Variants in ANO6 observed in about 807,000 individuals in gnomAD.
ANO6 encodes the protein anoctamin-6.
A neutral mutation model predicts 117.5 loss-of-function variants in ANO6; 106 were observed. The ratio of observed to expected loss-of-function variants is 0.90; its 90% confidence interval spans 0.77 to 1.06. ANO6 has a LOEUF of 1.06. Among genes scored for constraint, ANO6 ranks in the 50% least tolerant of loss-of-function variants. The pLI is 0.00. For synonymous variants in ANO6, 367 were observed against 385.1 expected (o/e 0.95, Z 0.55); for missense variants, 955 against 1,121.1 (o/e 0.85, Z 2.12).
intron 1 of ANO6, among the ~76,000 whole-genome samples, chr12:45,298,982 G>A (rs1425556089): frequency 6.6e-6 from 1 of 150,466 alleles, no homozygotes; most frequent in Non-Finnish European, 1.5e-5. Context: ...TAATACTGGT[G>A]TAAAAAAAAA....
At chr12:45,278,845 C>T (rs1185647336) in intron 1 of ANO6, among the ~76,000 whole-genome samples, 1 of 152,182 alleles carries the variant, frequency 6.6e-6, no homozygotes, top group Non-Finnish European at 1.5e-5. Flanking sequence ...TTATGCACTT[C>T]ACTTTAGGGT....
At chr12:45,302,745 T>C (rs1022211250) in intron 2 of ANO6, among the ~76,000 whole-genome samples, 3 of 152,086 alleles carry the variant, frequency 2.0e-5, no homozygotes, top group African/African-American at 7.2e-5. Context: ...CCTTAGTAAA[T>C]AGATTTTTAC....
intron 1 of ANO6, among the ~76,000 whole-genome samples, chr12:45,223,842 T>C (rs1022826703): frequency 2.6e-5 from 4 of 152,218 alleles, no homozygotes; most frequent in African/African-American, 9.6e-5. Flanking sequence ...TGTTTTAAGC[T>C]GTGTCCCTCA....
chr12:45,303,077 A>C (rs1369088075), intron 2 of ANO6, among the ~76,000 whole-genome samples: 2 of 152,250 alleles, frequency 1.3e-5, no homozygotes, highest in African/African-American at 4.8e-5. Flanking sequence ...GAGTAAAGAA[A>C]CTAGAGAGTG....
intron 3 of ANO6, among the ~76,000 whole-genome samples, chr12:45,340,176 C>T (rs1940941090): frequency 6.6e-6 from 1 of 151,968 alleles, no homozygotes; most frequent in South Asian, 2.1e-4. Context: ...TTAATTATGC[C>T]AGTCTGTCCT....
chr12:45,222,314 C>A (rs1947415563), intron 1 of ANO6, among the ~76,000 whole-genome samples: 1 of 152,166 alleles, frequency 6.6e-6, no homozygotes, highest in African/African-American at 2.4e-5. Context: ...GTGCCCACCA[C>A]TGTGCCCGGC....
intron 1 of ANO6, among the ~76,000 whole-genome samples, chr12:45,253,689 A>G (rs539449522): frequency 2.6e-4 from 40 of 152,350 alleles, no homozygotes; most frequent in African/African-American, 9.4e-4. Context: ...GATGATAGCC[A>G]GTATCATAGT....
intron 12 of ANO6, among the ~76,000 whole-genome samples, chr12:45,394,946 A>G (rs915780643): frequency 3.3e-5 from 5 of 152,234 alleles, no homozygotes; most frequent in Non-Finnish European, 7.3e-5. Context: ...TAGAGAAGCA[A>G]GAGCAAACAC....
At chr12:45,293,167 A>G (rs1939162468) in intron 1 of ANO6, among the ~76,000 whole-genome samples, 1 of 152,236 alleles carries the variant, frequency 6.6e-6, no homozygotes, top group Non-Finnish European at 1.5e-5. Flanking sequence ...TGAGGAATTG[A>G]AGAGCACTAG....
chr12:45,269,232 C>T (rs1175704210), intron 1 of ANO6, among the ~76,000 whole-genome samples: 1 of 152,192 alleles, frequency 6.6e-6, no homozygotes, highest in Non-Finnish European at 1.5e-5. Flanking sequence ...GGAAATGAGA[C>T]AGTCTATCAG....
intron 19 of ANO6, among the ~76,000 whole-genome samples, chr12:45,428,142 G>GT: frequency 6.6e-6 from 1 of 152,222 alleles, no homozygotes; most frequent in South Asian, 2.1e-4. Flanking sequence ...AATGCTCTAG[G>GT]ATTCAAGCAC....
chr12:45,244,417 G>T (rs1269462462), intron 1 of ANO6, among the ~76,000 whole-genome samples: 2 of 134,574 alleles, frequency 1.5e-5, no homozygotes, highest in Admixed American at 1.5e-4. Flanking sequence ...GGGGGGGGGT[G>T]GTCTGTGGAT....
chr12:45,424,764 A>T (rs1406267824), intron 19 of ANO6, among the ~76,000 whole-genome samples: 1 of 152,142 alleles, frequency 6.6e-6, no homozygotes, highest in Non-Finnish European at 1.5e-5. Flanking sequence ...TTGGGTCAGA[A>T]GGGAGGTGGA....
At position 45,431,154 on chromosome 12, in the gene ANO6, G is replaced by T; in HGVS notation, c.*1843G>T. On this transcript the variant is annotated 3_prime_UTR_variant, in exon 20 of 20. Transcript: ENST00000320560. ...TGTCTCTCTTGATCGTGTTAATGATGCAATCAGAGTTCAAGACAGGCCCCA... is the reference window on the plus strand; with the variant it reads ...TGTCTCTCTTGATCGTGTTAATGATTCAATCAGAGTTCAAGACAGGCCCCA... The T allele has an allele frequency of 2.0e-6, 2 of 985,290 alleles. No homozygotes were observed. The highest frequency in any genetic ancestry group is 2.4e-6 in the Non-Finnish European group (2 of 829,832). 61.0% of individuals were successfully genotyped at this position (985,290 alleles called of 1,614,324 possible).
chr12:45,369,595 G>A (rs1941771443), intron 9 of ANO6, among the ~76,000 whole-genome samples: 1 of 151,584 alleles, frequency 6.6e-6, no homozygotes, highest in African/African-American at 2.4e-5. Context: ...AAAGAAACAT[G>A]AAAGAATATA....
At chr12:45,350,869 T>C in intron 7 of ANO6, 95 bp downstream of exon 7, 1 of 1,050,950 alleles carries the variant, frequency 9.5e-7, no homozygotes, top group South Asian at 1.3e-5. Flanking sequence ...CTCTTGCCAG[T>C]GAAGGGAGCT....
chr12:45,257,440 T>G (rs569403595), intron 1 of ANO6, among the ~76,000 whole-genome samples: 1 of 152,168 alleles, frequency 6.6e-6, no homozygotes, highest in Non-Finnish European at 1.5e-5. Context: ...TTTCGGTGAT[T>G]TAGTTCACAG....
chr12:45,424,458 C>T (rs759892040), intron 19 of ANO6, among the ~76,000 whole-genome samples: 3 of 151,332 alleles, frequency 2.0e-5, no homozygotes, highest in Non-Finnish European at 2.9e-5. Flanking sequence ...CTGCCTCAGC[C>T]TCCCAAGTAC....
At chr12:45,230,189 C>G (rs1363510652) in intron 1 of ANO6, among the ~76,000 whole-genome samples, 1 of 152,062 alleles carries the variant, frequency 6.6e-6, no homozygotes, top group African/African-American at 2.4e-5. Context: ...AAAACTTTCA[C>G]TTCAGTGAGC....
Sources: allele counts gnomAD v4.1 joint callset (sites outside exome capture counted in the v4.1 genomes callset), GRCh38; gene constraint gnomAD v4.1.1; transcripts MANE v1.5; gene names NCBI Gene and HGNC (gene_info 2026-07-23, HGNC 2026-07-21).